The following MGAT4A variants were observed in gnomAD, a reference collection of about 807,000 sequenced individuals.
MGAT4A encodes N-acetylglucosaminyltransferase IVa.
A neutral mutation model predicts 74.1 loss-of-function variants in MGAT4A; 33 were observed. The observed-to-expected ratio is 0.45, with a 90% confidence interval of 0.34 to 0.60. The LOEUF is 0.60. Ranked by LOEUF, MGAT4A falls within the 20% of genes least tolerant of loss-of-function variation. The probability of loss-of-function intolerance (pLI) is 0.02; values close to 1 mark genes in which losing one functional copy is unlikely to be tolerated. For missense variants in MGAT4A, 479 were observed against 628.3 expected, an observed-to-expected ratio of 0.76 and a Z score of 2.54; for synonymous variants, 198 against 210.4, an observed-to-expected ratio of 0.94 and a Z score of 0.51.
At chr2:98,723,437 A>T (rs539055530) in intron 2 of MGAT4A, among the ~76,000 whole-genome samples, 2 of 152,290 alleles carry the variant, frequency 1.3e-5, no homozygotes, top group East Asian at 3.9e-4. Context: ...AGGAGACTAT[A>T]AAACCTTTGC....
chr2:98,707,175 T>C (rs1348629579), intron 2 of MGAT4A, among the ~76,000 whole-genome samples: 1 of 152,092 alleles, frequency 6.6e-6, no homozygotes, highest in East Asian at 1.9e-4. Flanking sequence ...GATCACGTCA[T>C]TGCACTCCAG....
intron 4 of MGAT4A, among the ~76,000 whole-genome samples, chr2:98,671,637 T>G (rs1205302663): frequency 2.0e-5 from 3 of 152,096 alleles, no homozygotes; most frequent in Admixed American, 1.3e-4. Flanking sequence ...TTTTTCCCCA[T>G]TGTGATGGAG....
Position 98,625,685 on chromosome 2 carries a change from A to T in MGAT4A, c.1581+38T>A, listed in dbSNP as rs199917218. 1.3e-5 allele frequency: 20 copies of T among 1,567,000 alleles called. No homozygotes were observed. The African/African-American group carries it at 2.6e-4, about 20-fold the overall frequency. ...CAAAATAAAAACATAATAAAAATGT[A>T]GTTTCTAAGTTGTTTCACTGATTTG... On this transcript the variant is annotated intron_variant, in intron 15 of 15. Transcript: ENST00000393487.
At position 98,655,486 on chromosome 2, in the gene MGAT4A, G is replaced by A. The variant is rs202035671; in HGVS notation, c.733C>T (p.Leu245=). 5.0e-6 allele frequency: 8 copies of A among 1,611,292 alleles called. No homozygotes were observed. The highest frequency in any genetic ancestry group is 6.8e-6 in the Non-Finnish European group (8 of 1,178,376). ...CCCTTTTCTTGAGCATACATCATTA[G>A]AAAACAGTAATCTAGGTTTTGCTTT... ...RTKQNLDYCF[L]MMYAQEKGIY... is the part of the protein sequence containing the mutation. Residue 245 remains leucine, a synonymous_variant, in exon 8 of 16, where the codon CTA becomes TTA. Transcript: ENST00000393487.
At chr2:98,722,981 C>T (rs564458586) in intron 2 of MGAT4A, among the ~76,000 whole-genome samples, 1 of 152,300 alleles carries the variant, frequency 6.6e-6, no homozygotes, top group African/African-American at 2.4e-5. Context: ...ACAACACCCA[C>T]CTACAACTGT....
chr2:98,717,531 G>C (rs753073501), intron 2 of MGAT4A, among the ~76,000 whole-genome samples: 2 of 152,098 alleles, frequency 1.3e-5, no homozygotes, highest in East Asian at 3.9e-4. Flanking sequence ...TTGTAGATTA[G>C]TTAATAATTT....
In MGAT4A at chr2:98,643,939, T is replaced by C; in HGVS notation, c.1004A>G (p.Asn335Ser). ...TTAACTTACTGCATCTTTTTCAGGGTTGCAGACTTTCACCCAGAGAATATG... is the reference window on the plus strand; with the variant it reads ...TTAACTTACTGCATCTTTTTCAGGGCTGCAGACTTTCACCCAGAGAATATG... Reference protein sequence around the residue: ...LDHILWVKVCNPEKDAKHCDR... With the variant: ...LDHILWVKVCSPEKDAKHCDR... Residue 335 changes from asparagine (N) to serine (S), a missense_variant, in exon 10 of 16, where the codon AAC (asparagine) becomes AGC (serine). By Grantham distance (46) the Asn-to-Ser change is conservative. Around this residue, in one of 3 missense-constraint regions of MGAT4A, gnomAD observed 236 missense variants for 308.2 expected, o/e 0.77. Coordinates refer to ENST00000393487, the MANE Select transcript of MGAT4A (RefSeq NM_012214.3). The C allele has an allele frequency of 6.4e-7, 1 of 1,567,354 alleles. No homozygotes were observed. Among genetic ancestry groups the C allele is most frequent in the Non-Finnish European group, 8.7e-7 (1 of 1,150,300 alleles).
intron 7 of MGAT4A, 119 bp from the exon 8 acceptor site, chr2:98,655,639 C>G: frequency 3.5e-6 from 2 of 574,492 alleles, no homozygotes; most frequent in Non-Finnish European, 3.0e-6. Flanking sequence ...TGTGTACACA[C>G]ACACACATAC....
At chr2:98,718,842 G>A (rs1702625022) in intron 2 of MGAT4A, among the ~76,000 whole-genome samples, 1 of 152,204 alleles carries the variant, frequency 6.6e-6, no homozygotes, top group Admixed American at 6.5e-5. Context: ...TAAGGCAGTG[G>A]TTCCACCCCT....
chr2:98,645,377 T>C (rs1171628768), intron 9 of MGAT4A, 51 bp downstream of exon 9: 4 of 1,325,386 alleles, frequency 3.0e-6, no homozygotes, highest in Non-Finnish European at 4.1e-6. Flanking sequence ...TTTTAGATTC[T>C]GAGAGTCACA....
At chr2:98,711,175 A>T (rs1329054089) in intron 2 of MGAT4A, among the ~76,000 whole-genome samples, 1 of 151,740 alleles carries the variant, frequency 6.6e-6, no homozygotes, top group African/African-American at 2.4e-5. Flanking sequence ...ATGCTATTCC[A>T]TAGGGGAAAC....
intron 2 of MGAT4A, among the ~76,000 whole-genome samples, chr2:98,690,916 C>T (rs1047976763): frequency 2.6e-5 from 4 of 152,158 alleles, no homozygotes; most frequent in Non-Finnish European, 5.9e-5. Context: ...AGAAAGACAA[C>T]AGCAATTGCC....
At chr2:98,722,389 G>A (rs116569931) in intron 2 of MGAT4A, among the ~76,000 whole-genome samples, 4,368 of 152,226 alleles carry the variant, frequency 0.029, 99 homozygotes, top group Non-Finnish European at 0.042. Context: ...GCCACAACAC[G>A]GGTGAACATT....
chr2:98,651,064 CA>C (rs755001558), intron 8 of MGAT4A, among the ~76,000 whole-genome samples: 13 of 123,872 alleles, frequency 1.0e-4, no homozygotes, highest in Admixed American at 1.6e-4. Context: ...GACTCCATCT[CA>C]AAAAAAAAAG....
Position 98,710,741 on chromosome 2 carries a change from C to T in MGAT4A, c.94+15498G>A, listed in dbSNP as rs549924406. 5.3e-5 allele frequency among the ~76,000 whole-genome samples: 8 copies of T among 152,136 alleles called. No homozygotes were observed. The South Asian group carries it at 1.7e-3, about 32-fold the overall frequency. ...TCTACCAAAGTGCTGGGATTACAGGCGTGAGCTACTGTGCCCAGTAATTTT... is the reference window on the plus strand; with the variant it reads ...TCTACCAAAGTGCTGGGATTACAGGTGTGAGCTACTGTGCCCAGTAATTTT... On this transcript the variant is annotated intron_variant, in intron 2 of 15. Transcript: ENST00000393487.
intron 2 of MGAT4A, among the ~76,000 whole-genome samples, chr2:98,693,441 T>C (rs923151616): frequency 1.3e-5 from 2 of 152,082 alleles, no homozygotes; most frequent in African/African-American, 4.8e-5. Context: ...GTTTGATGGT[T>C]GAGGCAAAAA....
intron 2 of MGAT4A, 97 bp downstream of exon 2, chr2:98,726,142 G>A: frequency 1.4e-6 from 1 of 737,106 alleles, no homozygotes; most frequent in Non-Finnish European, 2.2e-6. Context: ...CATGTAACAT[G>A]CAGATTGCCA....
At chr2:98,722,735 A>AGGAATTTT (rs775051972) in intron 2 of MGAT4A, among the ~76,000 whole-genome samples, 1,793 of 152,318 alleles carry the variant, frequency 0.012, 17 homozygotes, top group Middle Eastern at 0.031. Flanking sequence ...GTTTAAATAC[A>AGGAATTTT]TTTTTGCTGA....
intron 12 of MGAT4A, among the ~76,000 whole-genome samples, chr2:98,639,213 G>C (rs1468182339): frequency 6.6e-6 from 1 of 152,066 alleles, no homozygotes; most frequent in Non-Finnish European, 1.5e-5. Context: ...TTTGAACCAA[G>C]GAGGTGGAGG....
Sources: allele counts gnomAD v4.1 joint callset (sites outside exome capture counted in the v4.1 genomes callset), GRCh38; gene constraint gnomAD v4.1.1; regional missense constraint gnomAD v4.1.1; transcripts MANE v1.5; gene names NCBI Gene and HGNC (gene_info 2026-07-23, HGNC 2026-07-21).